MMP28: variants seen among roughly 807,000 people sequenced by gnomAD.
MMP28 encodes matrix metalloproteinase-28.
A neutral mutation model predicts 60.5 loss-of-function variants in MMP28; 55 were observed. The observed-to-expected ratio is 0.91, with a 90% CI of 0.73 to 1.14. The LOEUF is 1.14. Among genes scored for constraint, MMP28 ranks in the 50% most tolerant of loss-of-function variants. The probability of loss-of-function intolerance (pLI) is 0.00; values close to 1 mark genes in which losing one functional copy is unlikely to be tolerated. For missense variants in MMP28, 686 were observed against 738.3 expected (o/e 0.93, Z 0.82); for synonymous variants, 318 against 312.5 (o/e 1.02, Z -0.18).
rs776189829 is a variant in MMP28, at chr17:35,773,210, C to T, written c.574G>A (p.Asp192Asn). Residue 192 changes from aspartate (D) to asparagine (N), a missense_variant, in exon 4 of 8, where the codon GAT becomes AAT. Physicochemically the swap from Asp to Asn is conservative, Grantham distance 23. Coordinates refer to ENST00000605424, the MANE Select transcript of MMP28 (RefSeq NM_024302.5). ...RLTFFQGDHN[D>N]GLGNAFDGPG... ...CCATCAAAGGCATTGCCCAGCCCATCGTTGTGGTCCCCTTGGAAGAAGGTG... is the reference window on the plus strand; with the variant it reads ...CCATCAAAGGCATTGCCCAGCCCATTGTTGTGGTCCCCTTGGAAGAAGGTG... 8.7e-6 allele frequency: 14 copies of T among 1,613,992 alleles called. No individual in the cohort carries two copies. Among genetic ancestry groups the T allele is most frequent in the Non-Finnish European group, 1.1e-5 (13 of 1,179,868 alleles).
At chr17:35,771,725 ATATATATATATATATATATATATATATAT>A (rs2086155497) in intron 4 of MMP28, among the ~76,000 whole-genome samples, 4 of 85,154 alleles carry the variant, frequency 4.7e-5, no homozygotes, top group African/African-American at 1.8e-4. Context: ...ATATATATAT[ATATATATATATATATATATATATATATAT>A]AAAATTGTGT....
downstream of MMP28, chr17:35,764,441 G>A (rs782362486): frequency 1.3e-6 from 2 of 1,549,634 alleles, no homozygotes; most frequent in South Asian, 1.2e-5. Context: ...GGAGCCTCCC[G>A]GAGGAGCCGT....
chr17:35,764,526 T>G (rs1429493643), downstream of MMP28: 35 of 1,599,564 alleles, frequency 2.2e-5, no homozygotes, highest in Non-Finnish European at 3.0e-5. Context: ...CTGCAAGAAA[T>G]GCAGGAGTCT....
At chr17:35,782,571 G>A (rs16971496) in intron 1 of MMP28, among the ~76,000 whole-genome samples, 3,191 of 152,144 alleles carry the variant, frequency 0.021, 124 homozygotes, top group African/African-American at 0.072. Context: ...CTCATTCTAC[G>A]TAACTTTCCT....
At chr17:35,764,667 A>C (rs782814505), downstream of MMP28, 2 of 1,511,140 alleles carry the variant, frequency 1.3e-6, no homozygotes, top group East Asian at 2.6e-5. Flanking sequence ...CTGGCCCCAG[A>C]CCCCCTACCG....
chr17:35,774,019 C>T (rs939672414), intron 3 of MMP28, among the ~76,000 whole-genome samples: 5 of 152,236 alleles, frequency 3.3e-5, no homozygotes, highest in African/African-American at 1.2e-4. Context: ...CTCTCCTCCT[C>T]GCTTCCTCAG....
chr17:35,776,155 T>C (rs535666643), intron 3 of MMP28, among the ~76,000 whole-genome samples: 2 of 151,376 alleles, frequency 1.3e-5, no homozygotes, highest in South Asian at 4.2e-4. Context: ...ATTACAGGTG[T>C]GAGCCACCGC....
Position 35,766,712 on chromosome 17 carries a change from A to G in MMP28, c.1351T>C (p.Tyr451His). 1 of 1,603,512 alleles carries G rather than the reference A, an allele frequency of 6.2e-7. No homozygotes were observed. The highest frequency in any genetic ancestry group is 8.5e-7 in the Non-Finnish European group (1 of 1,175,568). ...CAGTCCTGCAGACTTCGGGGGTAGT[A>G]GGGCTCCACTTGCAGTCCCCCTCGG... ...LARGGLQVEP[Y>H]YPRSLQDWGG... The change falls in exon 8 of 8, where the codon TAC becomes CAC. Residue 451 changes from tyrosine to histidine, a missense_variant. By Grantham distance (83) the Tyr-to-His change is moderately conservative. Coordinates refer to ENST00000605424, the MANE Select transcript of MMP28 (RefSeq NM_024302.5). The surrounding 1 kb of genome is among the most constrained non-coding windows in gnomAD (Gnocchi z 4.3).
chr17:35,760,525 C>G (rs1191387143), intron 2 of MMP28, among the ~76,000 whole-genome samples: 1 of 152,172 alleles, frequency 6.6e-6, no homozygotes, highest in Non-Finnish European at 1.5e-5. Flanking sequence ...CAAACAAACC[C>G]AGTGCTTTCA....
chr17:35,769,635 A>G (rs1214876566), intron 5 of MMP28, among the ~76,000 whole-genome samples: 1 of 151,846 alleles, frequency 6.6e-6, no homozygotes, highest in African/African-American at 2.4e-5. Flanking sequence ...TCGTGGTGAG[A>G]GAAAGGCTCG....
At chr17:35,777,365 G>A (rs1010007405) in intron 3 of MMP28, among the ~76,000 whole-genome samples, 1 of 152,174 alleles carries the variant, frequency 6.6e-6, no homozygotes, top group Non-Finnish European at 1.5e-5. Context: ...CTCCGGAGCC[G>A]GACCCCATTG....
intron 1 of MMP28, 38 bp downstream of exon 1, chr17:35,795,229 G>T: frequency 7.5e-7 from 1 of 1,334,066 alleles, no homozygotes; most frequent in Non-Finnish European, 9.7e-7. Context: ...CAGGTCTCAA[G>T]CACACGCACC....
chr17:35,778,766 C>A, intron 3 of MMP28, 122 bp downstream of exon 3: 1 of 1,571,042 alleles, frequency 6.4e-7, no homozygotes, highest in Non-Finnish European at 8.6e-7. Flanking sequence ...TCACCCACTC[C>A]TCCCGTGCCC....
Position 35,782,056 on chromosome 17 carries a change from T to C in MMP28, c.112-2733A>G, listed in dbSNP as rs2086521665. ...CTACCATGTTGTATTTCTCTCTTTTTTTTTTTTTTTTTTGAGACAGAGTCT... is the reference window on the plus strand; with the variant it reads ...CTACCATGTTGTATTTCTCTCTTTTCTTTTTTTTTTTTTGAGACAGAGTCT... On this transcript the variant is annotated intron_variant, in intron 1 of 7. Transcript: ENST00000605424. Among the ~76,000 whole-genome samples the C allele has an allele frequency of 2.7e-5, 4 of 149,658 alleles. No individual in the cohort carries two copies. In the South Asian group the frequency reaches 8.5e-4, roughly 32 times the overall value.
intron 1 of MMP28, among the ~76,000 whole-genome samples, chr17:35,779,582 G>C (rs2086439660): frequency 6.6e-6 from 1 of 152,022 alleles, no homozygotes; most frequent in African/African-American, 2.4e-5. Flanking sequence ...CCTAAAACTG[G>C]GCCAGTAGTA....
chr17:35,788,497 A>T (rs1598478841), intron 1 of MMP28, among the ~76,000 whole-genome samples: 1 of 152,252 alleles, frequency 6.6e-6, no homozygotes. Context: ...GTGGTCCTCT[A>T]GGACCCTTCA....
chr17:35,770,379 C>T (rs750820341), intron 4 of MMP28, 67 bp from the exon 5 acceptor site: 3 of 1,437,474 alleles, frequency 2.1e-6, no homozygotes, highest in South Asian at 1.5e-5. Flanking sequence ...CGCGGCCCAG[C>T]GCAAATGCCA....
Position 35,773,370 on chromosome 17 carries a change from G to A in MMP28, c.414C>T (p.Arg138=), listed in dbSNP as rs1555606629. 1.9e-6 allele frequency: 3 copies of A among 1,609,478 alleles called. No homozygotes were observed. The highest frequency in any genetic ancestry group is 2.5e-6 in the Non-Finnish European group (3 of 1,177,894). Residue 138 remains arginine (R), a synonymous_variant, in exon 4 of 8, where the codon CGC becomes CGT. Transcript: ENST00000605424. ...GCAGATGCTCAGGCCAGTTCACCAG[G>A]CGGTAGGAGAGGTGCTGCTTGTACC... is the stretch of plus-strand genomic sequence containing the variant. The part of the protein sequence containing the change: ...NKWYKQHLSY[R]LVNWPEHLPE...
At chr17:35,764,036 A>G, downstream of MMP28, 3 of 1,547,526 alleles carry the variant, frequency 1.9e-6, no homozygotes, top group Admixed American at 2.0e-5. Context: ...GAAGAAGGAA[A>G]CGGAAGAGCT....
Sources: allele counts gnomAD v4.1 joint callset (sites outside exome capture counted in the v4.1 genomes callset), GRCh38; gene constraint gnomAD v4.1.1; non-coding constraint Gnocchi (gnomAD v3.1); transcripts MANE v1.5; gene names NCBI Gene and HGNC (gene_info 2026-07-23, HGNC 2026-07-21).